Variants in PHTF2 observed in about 807,000 individuals in gnomAD.
PHTF2 encodes the protein putative homeodomain transcription factor 2.
In PHTF2, 60 loss-of-function variants were observed where a neutral mutation model predicts 101.2. The observed-to-expected ratio is 0.59, with a 90% confidence interval of 0.48 to 0.73. The LOEUF is 0.73. Ranked by LOEUF, PHTF2 falls within the 30% of genes least tolerant of loss-of-function variation. PHTF2 has a pLI of 0.00. For synonymous variants in PHTF2, 311 were observed against 307.3 expected (o/e 1.01, Z -0.13); for missense variants, 747 against 908.7 (o/e 0.82, Z 2.29).
intron 10 of PHTF2, among the ~76,000 whole-genome samples, chr7:77,921,297 A>C (rs1367427684): frequency 1.3e-5 from 2 of 151,986 alleles, no homozygotes; most frequent in Non-Finnish European, 2.9e-5. Context: ...AAATAGAGAG[A>C]CTCTGGTTTT....
At chr7:77,907,951 T>G (rs996516356) in intron 7 of PHTF2, 9 of 152,172 alleles carry the variant, frequency 5.9e-5, no homozygotes, top group Non-Finnish European at 1.2e-4. Flanking sequence ...CTGGTCACAT[T>G]CTTAGGTTGG....
chr7:77,858,048 C>T (rs1477695544), intron 3 of PHTF2, among the ~76,000 whole-genome samples: 2 of 152,148 alleles, frequency 1.3e-5, no homozygotes, highest in Non-Finnish European at 2.9e-5. Context: ...AACATGCATA[C>T]AGCAAAATCA....
At chr7:77,949,716 C>T (rs890874287) in exon 17 of PHTF2, 2 of 1,574,536 alleles carry the variant, frequency 1.3e-6, no homozygotes, top group Admixed American at 1.8e-5. Flanking sequence ...ATTGTCACTA[C>T]AATTGGGAAT....
At chr7:77,934,941 AAC>A (rs923740055) in intron 12 of PHTF2, among the ~76,000 whole-genome samples, 32 of 152,072 alleles carry the variant, frequency 2.1e-4, no homozygotes, top group African/African-American at 7.5e-4. Context: ...AGTGGAGCCC[AAC>A]ACAGTCTCAA....
intron 3 of PHTF2, among the ~76,000 whole-genome samples, chr7:77,880,889 T>A (rs1178275682): frequency 2.0e-5 from 3 of 152,208 alleles, no homozygotes; most frequent in African/African-American, 7.2e-5. Context: ...TAAATTCCGC[T>A]CCTGATCCTG....
Position 77,940,318 on chromosome 7 carries a change from A to G in PHTF2, c.1740+16A>G. 6.4e-7 allele frequency: 1 copy of G among 1,558,032 alleles called. No homozygotes were observed. The highest frequency in any genetic ancestry group is 8.7e-7 in the Non-Finnish European group (1 of 1,154,620). On this transcript the variant is annotated intron_variant, in intron 14 of 19. Coordinates refer to ENST00000416283, the Ensembl canonical transcript of PHTF2. ...TTATAAACAGGTGGGTATAATGTAG[A>G]CTTCCGAATAAGAATATTTTATCGT...
At chr7:77,799,383 T>C (rs1232357029) in intron 1 of PHTF2, among the ~76,000 whole-genome samples, 1 of 152,106 alleles carries the variant, frequency 6.6e-6, no homozygotes, top group African/African-American at 2.4e-5. Context: ...CTCGGGTGGC[T>C]AGCCCGGCTG....
At position 77,937,706 on chromosome 7, in the gene PHTF2, A is replaced by G. The variant is rs975531698; in HGVS notation, c.1339-4A>G. The G allele has an allele frequency of 5.6e-6, 6 of 1,078,038 alleles. No homozygotes were observed. The highest frequency in any genetic ancestry group is 1.9e-5 in the African/African-American group (1 of 52,134). 66.8% of individuals were successfully genotyped at this position (1,078,038 alleles called of 1,614,324 possible). On this transcript the variant is annotated splice_polypyrimidine_tract_variant and splice_region_variant and intron_variant, in intron 12 of 19. Transcript: ENST00000416283. ...ATATTTACTAATTTTTTTTTTTTTTATAGAGTCATTTGCCCTGGCTCCATA... is the reference window on the plus strand; with the variant it reads ...ATATTTACTAATTTTTTTTTTTTTTGTAGAGTCATTTGCCCTGGCTCCATA...
chr7:77,898,996 T>C (rs751576406), intron 5 of PHTF2, among the ~76,000 whole-genome samples: 2 of 152,048 alleles, frequency 1.3e-5, no homozygotes, highest in Non-Finnish European at 2.9e-5. Flanking sequence ...GAGACGGGGT[T>C]TCACCATGTT....
rs944539188 is a variant in PHTF2 at position 77,887,063 on chromosome 7, G to A, written c.148-6545G>A. On this transcript the variant is annotated intron_variant, in intron 3 of 19. Coordinates refer to ENST00000416283, the Ensembl canonical transcript of PHTF2. ...CCTGTCTTTAAAAAAAAAAAAAAAA[G>A]TGATACAGTAACAATGAATATAAGG... Among the ~76,000 whole-genome samples the A allele has an allele frequency of 3.4e-5, 5 of 148,348 alleles. No individual in the cohort carries two copies. In the East Asian group the frequency reaches 5.9e-4, roughly 18 times the overall value.
intron 9 of PHTF2, among the ~76,000 whole-genome samples, chr7:77,911,013 A>G (rs1289283965): frequency 6.6e-6 from 1 of 152,210 alleles, no homozygotes; most frequent in African/African-American, 2.4e-5. Flanking sequence ...TGGCTGTATT[A>G]AAATGTCATG....
chr7:77,826,899 A>G lies in PHTF2; in HGVS notation c.-35-13322A>G, dbSNP rs188392166. 2.7e-3 allele frequency among the ~76,000 whole-genome samples: 411 copies of G among 152,344 alleles called. 3 individuals carry two copies. The highest frequency in any genetic ancestry group is 1.9e-3 in the Non-Finnish European group (126 of 68,030). On this transcript the variant is annotated intron_variant, in intron 1 of 19. Transcript: ENST00000416283. Reference sequence around the variant, plus strand: ...ACTGCTTGATGATTAAATCAAGTCAACCTCAAATGAAACAAAATTAAATAG... The same window carrying G: ...ACTGCTTGATGATTAAATCAAGTCAGCCTCAAATGAAACAAAATTAAATAG...
At chr7:77,816,309 A>C (rs958151181) in intron 1 of PHTF2, among the ~76,000 whole-genome samples, 8 of 152,126 alleles carry the variant, frequency 5.3e-5, no homozygotes, top group Non-Finnish European at 1.0e-4. Flanking sequence ...TCCTGACCTC[A>C]AGTGATCTGC....
chr7:77,850,194 TAA>T (rs35229132), intron 2 of PHTF2, among the ~76,000 whole-genome samples: 13 of 130,132 alleles, frequency 1.0e-4, no homozygotes, highest in Non-Finnish European at 1.3e-4. Flanking sequence ...CTACAAAATT[TAA>T]AAAAAAAAAA....
chr7:77,923,012 A>G, intron 11 of PHTF2: 1 of 1,188,786 alleles, frequency 8.4e-7, no homozygotes, highest in Non-Finnish European at 1.0e-6. Flanking sequence ...TTGAAGACTC[A>G]TACATTGTTT....
chr7:77,847,822 G>T (rs1003492445), intron 2 of PHTF2, among the ~76,000 whole-genome samples: 1 of 152,018 alleles, frequency 6.6e-6, no homozygotes, highest in Non-Finnish European at 1.5e-5. Flanking sequence ...TCTAACTGTG[G>T]TTTTGCACCC....
At chr7:77,938,135 G>A (rs1805311003) in intron 13 of PHTF2, 2 of 155,364 alleles carry the variant, frequency 1.3e-5, no homozygotes, top group African/African-American at 4.8e-5. Context: ...ATATACAGGT[G>A]TTAATAAAGA....
rs1362873796 is a variant in PHTF2, at chr7:77,929,133, T to C, written c.1144T>C (p.Cys382Arg). 2.5e-6 allele frequency: 4 copies of C among 1,613,642 alleles called. No homozygotes were observed. In the African/African-American group the frequency reaches 5.3e-5, roughly 22 times the overall value. The change falls in exon 12 of 20, where the codon TGC becomes CGC. Residue 382 changes from cysteine to arginine, a missense_variant. By Grantham distance (180) the Cys-to-Arg change is radical (BLOSUM62 -3). Transcript: ENST00000416283. ...GGACGCCCCTAAATCGGGTACTAGT[T>C]GCAGCTCTCGCTGTTCAAGTTCCAG...
intron 2 of PHTF2, among the ~76,000 whole-genome samples, chr7:77,847,079 T>C (rs1736967664): frequency 6.6e-6 from 1 of 152,238 alleles, no homozygotes; most frequent in Non-Finnish European, 1.5e-5. Flanking sequence ...AGTGACCTAA[T>C]TTGGGATTTC....
Sources: allele counts gnomAD v4.1 joint callset (sites outside exome capture counted in the v4.1 genomes callset), GRCh38; gene constraint gnomAD v4.1.1; transcripts MANE v1.5; gene names NCBI Gene and HGNC (gene_info 2026-07-23, HGNC 2026-07-21).